Variants in DDX10 observed in about 807,000 individuals in gnomAD.
DDX10 encodes the protein probable ATP-dependent RNA helicase DDX10.
A neutral mutation model predicts 104.3 loss-of-function variants in DDX10; 74 were observed. That is an observed-to-expected ratio of 0.71 (90% CI 0.59 to 0.86). The LOEUF (loss-of-function observed/expected upper bound fraction) is 0.86, where lower values mean the gene tolerates loss of function less well. Ranked by LOEUF, DDX10 falls within the 40% of genes least tolerant of loss-of-function variation. The pLI, the probability that DDX10 is intolerant of heterozygous loss-of-function variation, is 0.00. For missense variants in DDX10, 952 were observed against 1,040.0 expected, an observed-to-expected ratio of 0.92 and a Z score of 1.16; for synonymous variants, 351 against 353.4, an observed-to-expected ratio of 0.99 and a Z score of 0.08.
chr11:108,681,270 C>T (rs1034409890), intron 6 of DDX10, among the ~76,000 whole-genome samples: 1 of 152,044 alleles, frequency 6.6e-6, no homozygotes, highest in African/African-American at 2.4e-5. Flanking sequence ...ACTACAAAGA[C>T]TTTGATATTA....
chr11:108,937,890 G>A (rs772256274), intron 17 of DDX10, among the ~76,000 whole-genome samples: 2 of 152,192 alleles, frequency 1.3e-5, no homozygotes, highest in Non-Finnish European at 2.9e-5. Context: ...ATGCTGAGCA[G>A]TGATATGTTT....
intron 13 of DDX10, among the ~76,000 whole-genome samples, chr11:108,724,394 ATC>A (rs1446104766): frequency 1.3e-5 from 2 of 152,066 alleles, no homozygotes; most frequent in Admixed American, 6.6e-5. Context: ...CGTTACTACT[ATC>A]TCATTATACA....
intron 13 of DDX10, among the ~76,000 whole-genome samples, chr11:108,761,108 T>C (rs1327980079): frequency 6.6e-6 from 1 of 152,080 alleles, no homozygotes; most frequent in East Asian, 1.9e-4. Flanking sequence ...TCACTTCTGC[T>C]TTTATTATGG....
chr11:108,868,890 C>T lies in DDX10; in HGVS notation c.2304+16681C>T, dbSNP rs529370257. Among the ~76,000 whole-genome samples, 5 of 150,812 alleles carry T rather than the reference C, an allele frequency of 3.3e-5. No individual in the cohort carries two copies. In the East Asian group the frequency reaches 9.8e-4, roughly 29 times the overall value. ...AACCTTGAGATGAAGGTAAGAGGAG[C>T]TTTCTATTGAGTTTATACAGATGAA... On this transcript the variant is annotated intron_variant, in intron 16 of 17. Coordinates refer to ENST00000322536, the MANE Select transcript of DDX10 (RefSeq NM_004398.4).
chr11:108,857,565 T>C (rs1862887895), intron 16 of DDX10, among the ~76,000 whole-genome samples: 1 of 152,354 alleles, frequency 6.6e-6, no homozygotes, highest in African/African-American at 2.4e-5. Flanking sequence ...CTATCTCTCA[T>C]CACAGTGCTT....
intron 15 of DDX10, among the ~76,000 whole-genome samples, chr11:108,849,010 ATCCTTGTTATAG>A (rs1565297795): frequency 6.6e-6 from 1 of 152,130 alleles, no homozygotes; most frequent in East Asian, 1.9e-4. Flanking sequence ...CATTCTTTGT[ATCCTTGTTATAG>A]TTGTTACAGA....
chr11:108,749,291 G>C (rs990875584), intron 13 of DDX10, among the ~76,000 whole-genome samples: 8 of 152,064 alleles, frequency 5.3e-5, no homozygotes, highest in African/African-American at 1.9e-4. Flanking sequence ...GTGTGAAACA[G>C]GGATTTGGTT....
At chr11:108,680,247 C>T (rs183131686) in intron 6 of DDX10, among the ~76,000 whole-genome samples, 48 of 152,252 alleles carry the variant, frequency 3.2e-4, no homozygotes, top group African/African-American at 9.9e-4. Context: ...CAGGGTCTTG[C>T]TCTGTCACCC....
At position 108,880,976 on chromosome 11, in the gene DDX10, A is replaced by G. The variant is rs11212801; in HGVS notation, c.2304+28767A>G. 2.6e-3 allele frequency among the ~76,000 whole-genome samples: 399 copies of G among 152,294 alleles called. 3 individuals are homozygous for G. Among genetic ancestry groups the G allele is most frequent in the African/African-American group, 9.0e-3 (373 of 41,566 alleles). On this transcript the variant is annotated intron_variant, in intron 16 of 17. Coordinates refer to ENST00000322536, the MANE Select transcript of DDX10 (RefSeq NM_004398.4). ...TGAAAAAAGCCTTATTTTTATAAGT[A>G]CCACATATTTATAGACAGACTCTTA...
chr11:108,709,487 G>A (rs766258040), intron 10 of DDX10, among the ~76,000 whole-genome samples: 84 of 152,314 alleles, frequency 5.5e-4, no homozygotes, highest in Admixed American at 8.5e-4. Context: ...CCTATTGAGA[G>A]TGTTTATTTC....
chr11:108,851,064 A>G (rs886373304), intron 15 of DDX10, among the ~76,000 whole-genome samples: 2 of 152,200 alleles, frequency 1.3e-5, no homozygotes, highest in African/African-American at 4.8e-5. Context: ...AGAAATTTTT[A>G]TGAAAGTACA....
chr11:108,872,042 G>A (rs570154042), intron 16 of DDX10, among the ~76,000 whole-genome samples: 2 of 152,304 alleles, frequency 1.3e-5, no homozygotes, highest in South Asian at 2.1e-4. Flanking sequence ...ATTGCTAGTA[G>A]CAATTTACAA....
rs2094210199 is a variant in DDX10 at position 108,666,403 on chromosome 11, C to T, written c.186+1064C>T. Among the ~76,000 whole-genome samples, 5 of 152,252 alleles carry T rather than the reference C, an allele frequency of 3.3e-5. No homozygotes were observed. The South Asian group carries it at 1.0e-3, about 32-fold the overall frequency. On this transcript the variant is annotated intron_variant, in intron 1 of 17. Transcript: ENST00000322536. ...GCTGAGGCAAGAGAATCGCTTGAACCCGGGAGGCAGAGGTTGCAGTGAGCC... is the reference window on the plus strand; with the variant it reads ...GCTGAGGCAAGAGAATCGCTTGAACTCGGGAGGCAGAGGTTGCAGTGAGCC...
intron 16 of DDX10, among the ~76,000 whole-genome samples, chr11:108,883,668 C>T (rs1026770427): frequency 2.6e-5 from 4 of 152,118 alleles, no homozygotes; most frequent in East Asian, 1.9e-4. Flanking sequence ...TTCCTCATCT[C>T]TCATCTCTTC....
At chr11:108,869,396 T>C (rs1863051610) in intron 16 of DDX10, among the ~76,000 whole-genome samples, 1 of 152,142 alleles carries the variant, frequency 6.6e-6, no homozygotes, top group South Asian at 2.1e-4. Flanking sequence ...AATACTGATA[T>C]TTGAACTTCA....
chr11:108,870,264 G>C (rs1324038796), intron 16 of DDX10, among the ~76,000 whole-genome samples: 1 of 152,118 alleles, frequency 6.6e-6, no homozygotes, highest in East Asian at 1.9e-4. Context: ...CTTCTAACTA[G>C]TCTGCTAGTC....
At chr11:108,688,409 C>T (rs2094247564) in intron 6 of DDX10, among the ~76,000 whole-genome samples, 2 of 152,120 alleles carry the variant, frequency 1.3e-5, no homozygotes, top group African/African-American at 4.8e-5. Context: ...CTATATTAAC[C>T]CATTTTATTT....
chr11:108,751,716 G>T (rs899111470), intron 13 of DDX10, among the ~76,000 whole-genome samples: 4 of 152,076 alleles, frequency 2.6e-5, no homozygotes, highest in Admixed American at 1.3e-4. Flanking sequence ...TGAGTAGTTC[G>T]ATAACCTAAT....
chr11:108,913,706 A>G (rs575298286), intron 16 of DDX10, among the ~76,000 whole-genome samples: 62 of 152,258 alleles, frequency 4.1e-4, no homozygotes, highest in African/African-American at 1.4e-3. Context: ...TAAATCATTC[A>G]TGAAATCAAA....
Sources: gnomAD v4.1 joint callset for allele counts (sites outside exome capture counted in the v4.1 genomes callset) on GRCh38, gnomAD v4.1.1 for gene constraint, MANE v1.5 for transcripts, NCBI Gene and HGNC (gene_info 2026-07-23, HGNC 2026-07-21) for gene names.